Variants in HSPA4 observed in about 807,000 individuals in gnomAD.
HSPA4 encodes heat shock 70 kDa protein 4.
A neutral mutation model predicts 106.2 loss-of-function variants in HSPA4; 25 were observed. The observed-to-expected ratio is 0.24, with a 90% CI of 0.17 to 0.33. HSPA4 has a LOEUF of 0.33. Among genes scored for constraint, HSPA4 ranks in the 10% least tolerant of loss-of-function variants. HSPA4 has a pLI of 1.00. For synonymous variants in HSPA4, 332 were observed against 333.6 expected (o/e 1.00, Z 0.05); for missense variants, 841 against 996.0 (o/e 0.84, Z 2.10).
intron 1 of HSPA4, among the ~76,000 whole-genome samples, chr5:133,059,235 G>C (rs1437502035): frequency 2.0e-5 from 3 of 151,590 alleles, no homozygotes; most frequent in Non-Finnish European, 4.4e-5. Flanking sequence ...TTCGCCTGAG[G>C]TCAGGAGTTT....
chr5:133,078,563 A>G (rs1457081398), intron 7 of HSPA4, among the ~76,000 whole-genome samples: 7 of 145,282 alleles, frequency 4.8e-5, no homozygotes, highest in South Asian at 4.6e-4. Context: ...TGAACTTGGG[A>G]GATGAAGGTT....
chr5:133,086,311 C>T (rs1581476056), intron 7 of HSPA4, among the ~76,000 whole-genome samples: 1 of 152,228 alleles, frequency 6.6e-6, no homozygotes, highest in East Asian at 1.9e-4. Context: ...CGTCTCCTTT[C>T]TCTGGATATA....
intron 10 of HSPA4, 53 bp downstream of exon 10, chr5:133,089,214 T>C: frequency 1.0e-6 from 1 of 963,788 alleles, no homozygotes; most frequent in Non-Finnish European, 1.6e-6. Flanking sequence ...CTATTAGGTC[T>C]GAGTAATATG....
At chr5:133,087,332 A>C (rs568434433) in intron 8 of HSPA4, among the ~76,000 whole-genome samples, 23 of 152,334 alleles carry the variant, frequency 1.5e-4, no homozygotes, top group Admixed American at 1.2e-3. Context: ...TTCTTTGACA[A>C]ACCATTTACC....
chr5:133,099,891 G>T (rs964792561), intron 16 of HSPA4, among the ~76,000 whole-genome samples: 9 of 152,140 alleles, frequency 5.9e-5, no homozygotes, highest in Non-Finnish European at 5.9e-5. Flanking sequence ...TGGATGTTTA[G>T]TGCATTCTTG....
At chr5:133,071,999 C>T (rs1316754053) in intron 4 of HSPA4, among the ~76,000 whole-genome samples, 1 of 152,096 alleles carries the variant, frequency 6.6e-6, no homozygotes, top group Non-Finnish European at 1.5e-5. Flanking sequence ...CATCTAGTGC[C>T]CCTAGCTTTG....
At chr5:133,097,613 A>G (rs1377661299) in intron 15 of HSPA4, among the ~76,000 whole-genome samples, 1 of 144,778 alleles carries the variant, frequency 6.9e-6, no homozygotes, top group Non-Finnish European at 1.5e-5. Flanking sequence ...CAGTGGCGTG[A>G]TCTCGGCTCA....
intron 2 of HSPA4, among the ~76,000 whole-genome samples, chr5:133,067,014 A>G (rs1765315843): frequency 6.6e-6 from 1 of 152,192 alleles, no homozygotes; most frequent in Non-Finnish European, 1.5e-5. Flanking sequence ...ACCCGGCCTT[A>G]ACTAGAATTT....
Position 133,096,146 on chromosome 5 carries a change from G to C in HSPA4, c.1699G>C (p.Ala567Pro). ...TAAAAAGATGGACCAACCACCCCAA[G>C]CCAAGAAGGCAAAAGTGAAGACCAG... ...KDKKMDQPPQ[A>P]KKAKVKTSTV... The change falls in exon 14 of 19, where the codon GCC (alanine) becomes CCC (proline). Residue 567 changes from alanine to proline, a missense_variant. Transcript: ENST00000304858. The C allele has an allele frequency of 6.2e-7, 1 of 1,614,012 alleles. No individual in the cohort carries two copies. Among genetic ancestry groups the C allele is most frequent in the Non-Finnish European group, 8.5e-7 (1 of 1,179,936 alleles).
At chr5:133,069,648 C>T (rs1765356519) in intron 3 of HSPA4, among the ~76,000 whole-genome samples, 1 of 152,172 alleles carries the variant, frequency 6.6e-6, no homozygotes, top group South Asian at 2.1e-4. Flanking sequence ...TGCATGTCCT[C>T]ATATTAGATT....
intron 14 of HSPA4, 84 bp downstream of exon 14, chr5:133,096,334 G>C: frequency 7.6e-7 from 1 of 1,313,116 alleles, no homozygotes; most frequent in Non-Finnish European, 1.1e-6. Context: ...GTGACTTTTT[G>C]CATTTTTGAT....
At chr5:133,087,171 T>G (rs986143021) in intron 8 of HSPA4, among the ~76,000 whole-genome samples, 3 of 152,250 alleles carry the variant, frequency 2.0e-5, no homozygotes, top group African/African-American at 7.2e-5. Flanking sequence ...TAAGCTTTTC[T>G]GTCAGTGAAT....
At chr5:133,053,008 G>T (rs1434505747) in intron 1 of HSPA4, 12 of 152,282 alleles carry the variant, frequency 7.9e-5, no homozygotes, top group Admixed American at 3.9e-4. Context: ...ATTATTTCGG[G>T]ATATTGTGCT....
rs1561588608 is a variant in HSPA4, at chr5:133,104,476, C to CT, written c.*43dup. 3.2e-6 allele frequency: 5 copies of CT among 1,550,276 alleles called. No individual in the cohort carries two copies. The highest frequency in any genetic ancestry group is 4.4e-6 in the Non-Finnish European group (5 of 1,128,628). On this transcript the variant is annotated 3_prime_UTR_variant, in exon 19 of 19. Coordinates refer to ENST00000304858, the MANE Select transcript of HSPA4 (RefSeq NM_002154.4). ...TCTATTAAAACAGACTATTATAAAG[C>CT]TTTAAGTTGTCAACTTTGTTCTAAA...
intron 16 of HSPA4, among the ~76,000 whole-genome samples, chr5:133,100,943 C>G (rs1196157988): frequency 6.6e-6 from 1 of 152,124 alleles, no homozygotes; most frequent in Non-Finnish European, 1.5e-5. Flanking sequence ...GTAGCTAGGA[C>G]TACAGCTGTG....
At chr5:133,055,733 T>A (rs1165132811) in intron 1 of HSPA4, among the ~76,000 whole-genome samples, 2 of 151,742 alleles carry the variant, frequency 1.3e-5, no homozygotes, top group African/African-American at 2.4e-5. Flanking sequence ...AAGGGCAAGG[T>A]GGAAAAGTAC....
intron 1 of HSPA4, among the ~76,000 whole-genome samples, chr5:133,054,502 C>G (rs1465065748): frequency 6.6e-6 from 1 of 152,160 alleles, no homozygotes; most frequent in African/African-American, 2.4e-5. Context: ...CCGCACCTGG[C>G]ACAGCTTTAT....
chr5:133,072,062 C>T (rs1000685155), intron 4 of HSPA4, among the ~76,000 whole-genome samples: 3 of 152,020 alleles, frequency 2.0e-5, no homozygotes, highest in African/African-American at 4.8e-5. Context: ...TATTGGAATG[C>T]GTAAGTGTCT....
At chr5:133,052,630 C>G in intron 1 of HSPA4, 1 of 418,334 alleles carries the variant, frequency 2.4e-6, no homozygotes, top group Non-Finnish European at 4.3e-6. Context: ...GCGGAGGGCA[C>G]GGGTAGGAAC....
Sources: allele counts gnomAD v4.1 joint callset (sites outside exome capture counted in the v4.1 genomes callset), GRCh38; gene constraint gnomAD v4.1.1; transcripts MANE v1.5; gene names NCBI Gene and HGNC (gene_info 2026-07-23, HGNC 2026-07-21).